Variants in ZFYVE9 observed in about 807,000 individuals in gnomAD.
ZFYVE9 encodes zinc finger FYVE-type containing 9, also known as zinc finger FYVE domain-containing protein 9.
ZFYVE9 carries 43 observed loss-of-function variants against 126.7 expected under a neutral mutation model. The ratio of observed to expected loss-of-function variants is 0.34; its 90% confidence interval spans 0.27 to 0.44. ZFYVE9 has a LOEUF of 0.44. Among genes scored for constraint, ZFYVE9 ranks in the 20% least tolerant of loss-of-function variants. The pLI is 1.00. For synonymous variants in ZFYVE9, 521 were observed against 597.4 expected, an observed-to-expected ratio of 0.87 and a Z score of 1.87; for missense variants, 1,476 against 1,697.0, an observed-to-expected ratio of 0.87 and a Z score of 2.29.
chr1:52,233,317 T>C (rs1350823193), intron 3 of ZFYVE9, 41 bp downstream of exon 3: 2 of 1,458,172 alleles, frequency 1.4e-6, no homozygotes, highest in Non-Finnish European at 1.9e-6. Context: ...CTATGTGGTA[T>C]AGAGAATGTG....
chr1:52,334,784 T>G lies in ZFYVE9; in HGVS notation c.3670+16T>G, dbSNP rs1472474775. ...ATTGTGGAAGGTAAAGAATGAATTG[T>G]TCAGTCCTCATAATAAGGACTGAAC... is the stretch of plus-strand genomic sequence containing the variant. On this transcript the variant is annotated intron_variant, in intron 15 of 18. Transcript: ENST00000287727. The G allele has an allele frequency of 6.2e-7, 1 of 1,612,630 alleles. No individual in the cohort carries two copies. The highest frequency in any genetic ancestry group is 1.7e-5 in the Admixed American group (1 of 60,004).
chr1:52,225,058 G>A (rs905928232), intron 2 of ZFYVE9, among the ~76,000 whole-genome samples: 3 of 152,038 alleles, frequency 2.0e-5, no homozygotes, highest in Non-Finnish European at 2.9e-5. Context: ...CACTCGCTTC[G>A]CACCCAATGG....
intron 1 of ZFYVE9, among the ~76,000 whole-genome samples, chr1:52,210,944 C>T (rs1003535119): frequency 3.3e-5 from 5 of 152,246 alleles, no homozygotes; most frequent in African/African-American, 1.2e-4. Context: ...TGTGAGCCAC[C>T]GCCCCTGGCC....
intron 1 of ZFYVE9, among the ~76,000 whole-genome samples, chr1:52,174,668 C>A (rs1472305648): frequency 6.6e-6 from 1 of 151,862 alleles, no homozygotes; most frequent in Non-Finnish European, 1.5e-5. Flanking sequence ...TCAGGACTTG[C>A]TTTATGAATC....
intron 1 of ZFYVE9, among the ~76,000 whole-genome samples, chr1:52,183,623 C>T (rs552755174): frequency 3.3e-5 from 5 of 152,154 alleles, no homozygotes; most frequent in Admixed American, 3.3e-4. Flanking sequence ...CTGTCTCAGC[C>T]TTCCGAGTAT....
intron 1 of ZFYVE9, among the ~76,000 whole-genome samples, chr1:52,203,797 G>C (rs1644947985): frequency 6.6e-6 from 1 of 151,652 alleles, no homozygotes; most frequent in African/African-American, 2.4e-5. Context: ...TTTCTGTTGA[G>C]ATATCCTCAA....
At chr1:52,154,348 T>A (rs1644382754) in intron 1 of ZFYVE9, among the ~76,000 whole-genome samples, 1 of 152,190 alleles carries the variant, frequency 6.6e-6, no homozygotes, top group Non-Finnish European at 1.5e-5. Context: ...GTGTTGGTCT[T>A]TGTTGCTCAT....
chr1:52,339,034 A>G (rs1410203266), intron 16 of ZFYVE9, among the ~76,000 whole-genome samples: 1 of 152,234 alleles, frequency 6.6e-6, no homozygotes, highest in African/African-American at 2.4e-5. Flanking sequence ...TAGAGATTCA[A>G]GAACATAAAC....
rs188746393 is a variant in ZFYVE9, at chr1:52,322,841, A to G, written c.3439-9927A>G. On this transcript the variant is annotated intron_variant, in intron 13 of 18. Transcript: ENST00000287727. The stretch of plus-strand genomic sequence containing the variant: ...TTTTTTGGAGACAGAGTCTCGCTCT[A>G]TCGCCCAGGCTGGAGTGCAGTGGCG... Among the ~76,000 whole-genome samples the G allele has an allele frequency of 4.8e-3, 722 of 150,576 alleles. 2 individuals are homozygous for G. Among genetic ancestry groups the G allele is most frequent in the Non-Finnish European group, 7.6e-3 (516 of 67,552 alleles).
chr1:52,221,490 G>A (rs1220245484), intron 2 of ZFYVE9, among the ~76,000 whole-genome samples: 1 of 152,168 alleles, frequency 6.6e-6, no homozygotes, highest in Non-Finnish European at 1.5e-5. Flanking sequence ...AAATTCTTGA[G>A]TCAGTAAGCC....
At chr1:52,170,626 G>A (rs573463378) in intron 1 of ZFYVE9, among the ~76,000 whole-genome samples, 6 of 152,076 alleles carry the variant, frequency 3.9e-5, no homozygotes, top group East Asian at 3.9e-4. Flanking sequence ...GCTATAAATT[G>A]TCCTCTTAGT....
intron 12 of ZFYVE9, among the ~76,000 whole-genome samples, chr1:52,297,159 C>T (rs1293964178): frequency 6.6e-6 from 1 of 152,116 alleles, no homozygotes; most frequent in Non-Finnish European, 1.5e-5. Flanking sequence ...TACCTAACTA[C>T]CTAATGGGGC....
chr1:52,266,405 T>TTAAA (rs1181730554), intron 5 of ZFYVE9, among the ~76,000 whole-genome samples: 1 of 85,628 alleles, frequency 1.2e-5, no homozygotes, highest in African/African-American at 4.8e-5. Context: ...TCTAATTCTT[T>TTAAA]AAAAAAAAAA....
rs552213191 is a variant in ZFYVE9, at chr1:52,232,728, CAAAAAAAAAAAAA to C, written c.-36-429_-36-417del. Among the ~76,000 whole-genome samples the C allele has an allele frequency of 2.6e-4, 7 of 27,344 alleles. 1 individual carries two copies. Among genetic ancestry groups the C allele is most frequent in the South Asian group, 1.5e-3 (1 of 672 alleles). 17.9% of individuals were successfully genotyped at this position (27,344 alleles called of 152,430 possible). A position where few individuals can be genotyped will look rare whatever the true frequency, so the allele number is the denominator to read the frequency against. On this transcript the variant is annotated intron_variant, in intron 2 of 18. Coordinates refer to ENST00000287727, the MANE Select transcript of ZFYVE9 (RefSeq NM_004799.4). ...AGGCAACAAGAGTGAGACTCTGTCT[CAAAAAAAAAAAAA>C]AAAAAAAAAAAAAGGAATAACCAGG...
At chr1:52,232,667 G>T (rs903157757) in intron 2 of ZFYVE9, among the ~76,000 whole-genome samples, 2 of 143,440 alleles carry the variant, frequency 1.4e-5, no homozygotes, top group African/African-American at 5.4e-5. Flanking sequence ...GGCAGAGGTT[G>T]CAGTGAGCCA....
chr1:52,287,294 G>A lies in ZFYVE9; in HGVS notation c.3025+5478G>A, dbSNP rs149432496. On this transcript the variant is annotated intron_variant, in intron 10 of 18. Transcript: ENST00000287727. Reference sequence around the variant, plus strand: ...ACTTGGAATAATTTTTGTGTTTTTAGTAGAGACGAGGTTTCACCATGTTAG... The same window carrying A: ...ACTTGGAATAATTTTTGTGTTTTTAATAGAGACGAGGTTTCACCATGTTAG... 3.3e-3 allele frequency among the ~76,000 whole-genome samples: 501 copies of A among 152,080 alleles called. 2 individuals carry two copies. Among genetic ancestry groups the A allele is most frequent in the African/African-American group, 0.012 (480 of 41,478 alleles).
intron 4 of ZFYVE9, among the ~76,000 whole-genome samples, chr1:52,241,792 C>T (rs1272876116): frequency 1.3e-5 from 2 of 151,902 alleles, no homozygotes; most frequent in Non-Finnish European, 2.9e-5. Flanking sequence ...AACATAGATA[C>T]TAATTGGATT....
chr1:52,189,489 G>A (rs559958330), intron 1 of ZFYVE9, among the ~76,000 whole-genome samples: 29 of 150,346 alleles, frequency 1.9e-4, no homozygotes, highest in African/African-American at 6.4e-4. Context: ...CACCCACCTC[G>A]GCCTCCCAAA....
At chr1:52,268,382 A>G (rs1429572629) in intron 6 of ZFYVE9, 81 bp from the exon 7 acceptor site, 1 of 1,437,936 alleles carries the variant, frequency 7.0e-7, no homozygotes, top group East Asian at 2.3e-5. Context: ...TACATCTGGA[A>G]TTGGTGACCT....
Sources: gnomAD v4.1 joint callset for allele counts (sites outside exome capture counted in the v4.1 genomes callset) on GRCh38, gnomAD v4.1.1 for gene constraint, MANE v1.5 for transcripts, NCBI Gene and HGNC (gene_info 2026-07-23, HGNC 2026-07-21) for gene names.